FRAS1: variants seen among roughly 807,000 people sequenced by gnomAD.
FRAS1 encodes extracellular matrix organizing protein FRAS1.
A neutral mutation model predicts 435.2 loss-of-function variants in FRAS1; 290 were observed. The observed-to-expected ratio is 0.67, with a 90% confidence interval of 0.61 to 0.73. The LOEUF is 0.73. Ranked by LOEUF, FRAS1 falls within the 30% of genes least tolerant of loss-of-function variation. The probability of loss-of-function intolerance (pLI) is 0.00; values close to 1 mark genes in which losing one functional copy is unlikely to be tolerated. For synonymous variants in FRAS1, 1,800 were observed against 1,851.0 expected (o/e 0.97, Z 0.71); for missense variants, 4,860 against 5,001.5 (o/e 0.97, Z 0.85).
chr4:78,275,476 T>C (rs1048191714), intron 9 of FRAS1, among the ~76,000 whole-genome samples: 20 of 152,228 alleles, frequency 1.3e-4, no homozygotes, highest in African/African-American at 3.6e-4. Flanking sequence ...CCATGTTTAG[T>C]GCTTCCTTCA....
intron 14 of FRAS1, among the ~76,000 whole-genome samples, chr4:78,305,736 T>C (rs1728676691): frequency 1.3e-5 from 2 of 152,074 alleles, no homozygotes. Context: ...TCTATCCTTT[T>C]ATATTGAGCC....
At chr4:78,494,012 T>A (rs1221161908) in intron 59 of FRAS1, among the ~76,000 whole-genome samples, 1 of 152,052 alleles carries the variant, frequency 6.6e-6, no homozygotes, top group Non-Finnish European at 1.5e-5. Flanking sequence ...TATGTTTGTT[T>A]TTTTTTATTC....
rs765238008 is a variant in FRAS1 at position 78,508,950 on chromosome 4, C to T, written c.9724C>T (p.Arg3242Trp). The change falls in exon 63 of 74, where the codon CGG becomes TGG. Residue 3242 changes from arginine to tryptophan, a missense_variant. Coordinates refer to ENST00000512123, the MANE Select transcript of FRAS1 (RefSeq NM_025074.7). Reference protein sequence around the residue: ...VAAPTDGNGARSPFETITDNT... With the variant: ...VAAPTDGNGAWSPFETITDNT... ...TGCCCCCACTGATGGCAATGGGGCC[C>T]GGTCTCCCTTTGAAACCATCACTGA... The T allele has an allele frequency of 1.2e-5, 19 of 1,613,844 alleles. No individual in the cohort carries two copies. Among genetic ancestry groups the T allele is most frequent in the South Asian group, 6.6e-5 (6 of 91,080 alleles).
At chr4:78,269,660 C>G (rs1385866448) in intron 9 of FRAS1, among the ~76,000 whole-genome samples, 3 of 152,182 alleles carry the variant, frequency 2.0e-5, no homozygotes, top group African/African-American at 7.2e-5. Flanking sequence ...TTTGTCTTTG[C>G]TATATTCCAC....
chr4:78,101,512 A>G (rs1742131275), intron 2 of FRAS1, among the ~76,000 whole-genome samples: 1 of 152,128 alleles, frequency 6.6e-6, no homozygotes, highest in African/African-American at 2.4e-5. Flanking sequence ...CCACTTTTTC[A>G]AAGTGAGAGT....
At chr4:78,305,373 T>C (rs1356624464) in intron 14 of FRAS1, among the ~76,000 whole-genome samples, 1 of 151,072 alleles carries the variant, frequency 6.6e-6, no homozygotes, top group Non-Finnish European at 1.5e-5. Flanking sequence ...AGATGTCTAT[T>C]AGGTCTGCTT....
At chr4:78,405,258 CT>C (rs1733054615) in intron 30 of FRAS1, among the ~76,000 whole-genome samples, 1 of 152,258 alleles carries the variant, frequency 6.6e-6, no homozygotes, top group Admixed American at 6.5e-5. Flanking sequence ...TGAATGTTTT[CT>C]ACTGTCCACA....
In FRAS1 at chr4:78,302,500, C is replaced by T. The variant is rs573155944; in HGVS notation, c.1535-5566C>T. On this transcript the variant is annotated intron_variant, in intron 14 of 73. Coordinates refer to ENST00000512123, the MANE Select transcript of FRAS1 (RefSeq NM_025074.7). ...GTGTAAAAGTGTTCCTGTTTCTCCA[C>T]ATCCTCTCCAGCACCTGTTGTTTCC... 8.4e-3 allele frequency among the ~76,000 whole-genome samples: 1,283 copies of T among 152,220 alleles called. 15 individuals are homozygous for T. Among genetic ancestry groups the T allele is most frequent in the Middle Eastern group, 0.024 (7 of 294 alleles).
At position 78,279,141 on chromosome 4, in the gene FRAS1, C is replaced by G. The variant is rs187344045; in HGVS notation, c.1071+397C>G. 2.0e-4 allele frequency among the ~76,000 whole-genome samples: 31 copies of G among 152,208 alleles called. 1 individual carries two copies. In the East Asian group the frequency reaches 5.8e-3, roughly 28 times the overall value. On this transcript the variant is annotated intron_variant, in intron 10 of 73. Coordinates refer to ENST00000512123, the MANE Select transcript of FRAS1 (RefSeq NM_025074.7). ...TCTTACAGAAAACTTTGAGCAGAGCCTGAAGGGAGGGAGCCGCATGAATGT... is the reference window on the plus strand; with the variant it reads ...TCTTACAGAAAACTTTGAGCAGAGCGTGAAGGGAGGGAGCCGCATGAATGT...
intron 14 of FRAS1, among the ~76,000 whole-genome samples, chr4:78,305,624 C>G (rs1484077074): frequency 7.1e-6 from 1 of 141,476 alleles, no homozygotes; most frequent in Non-Finnish European, 1.6e-5. Flanking sequence ...TAATGGCCTT[C>G]TTTGTCTCTT....
At chr4:78,463,954 C>G in intron 47 of FRAS1, 67 bp from the exon 48 acceptor site, 2 of 1,555,160 alleles carry the variant, frequency 1.3e-6, no homozygotes, top group Non-Finnish European at 1.8e-6. Context: ...ATGACACTTC[C>G]CTAGCCTTAG....
At chr4:78,193,015 T>G (rs532197570) in intron 2 of FRAS1, among the ~76,000 whole-genome samples, 1 of 152,356 alleles carries the variant, frequency 6.6e-6, no homozygotes, top group African/African-American at 2.4e-5. Context: ...TATTTCTGCC[T>G]TCATTTCGTT....
Position 78,515,858 on chromosome 4 carries a change from C to A in FRAS1, c.10234C>A (p.Arg3412Ser). The A allele has an allele frequency of 6.2e-7, 1 of 1,614,030 alleles. No individual in the cohort carries two copies. The highest frequency in any genetic ancestry group is 2.2e-5 in the East Asian group (1 of 44,874). Reference protein sequence around the residue: ...DSTALGPGYDRPFQFDPSVRE... With the variant: ...DSTALGPGYDSPFQFDPSVRE... ...CACTGCCCTGGGGCCTGGCTACGAT[C>A]GCCCCTTCCAGTTTGACCCCAGCGT... is the stretch of plus-strand genomic sequence containing the variant. Residue 3412 changes from arginine to serine, a missense_variant, in exon 66 of 74, where the codon CGC becomes AGC. Physicochemically the swap from Arg to Ser is moderately radical, Grantham distance 110. Transcript: ENST00000512123.
intron 51 of FRAS1, among the ~76,000 whole-genome samples, chr4:78,471,638 C>G (rs1719712679): frequency 6.6e-6 from 1 of 152,176 alleles, no homozygotes; most frequent in Non-Finnish European, 1.5e-5. Flanking sequence ...TTTCTTTGCT[C>G]AAATCTTGGC....
At chr4:78,181,954 C>CA (rs1410105090) in intron 2 of FRAS1, 16 of 1,606,348 alleles carry the variant, frequency 1.0e-5, no homozygotes, top group African/African-American at 1.3e-5. Context: ...CCGCTGCCTT[C>CA]AGCACCTCGA....
At chr4:78,518,785 T>C (rs1185864682) in intron 66 of FRAS1, among the ~76,000 whole-genome samples, 2 of 152,146 alleles carry the variant, frequency 1.3e-5, no homozygotes, top group Non-Finnish European at 2.9e-5. Flanking sequence ...TTCCTATATA[T>C]GATTTCAATG....
At chr4:78,403,153 T>C (rs1298682910) in intron 30 of FRAS1, among the ~76,000 whole-genome samples, 1 of 152,188 alleles carries the variant, frequency 6.6e-6, no homozygotes, top group Non-Finnish European at 1.5e-5. Flanking sequence ...TATGACTCTT[T>C]TGATGTATTA....
intron 35 of FRAS1, among the ~76,000 whole-genome samples, chr4:78,427,177 A>C (rs1358296798): frequency 6.6e-6 from 1 of 152,192 alleles, no homozygotes; most frequent in East Asian, 1.9e-4. Context: ...TTAATGGTTA[A>C]TCATGGGAGG....
intron 35 of FRAS1, among the ~76,000 whole-genome samples, chr4:78,428,333 T>TG (rs1734071796): frequency 6.6e-6 from 1 of 151,968 alleles, no homozygotes; most frequent in African/African-American, 2.4e-5. Context: ...AGTATTCTTT[T>TG]TTTTTTTGAG....
Sources: gnomAD v4.1 joint callset for allele counts (sites outside exome capture counted in the v4.1 genomes callset) on GRCh38, gnomAD v4.1.1 for gene constraint, MANE v1.5 for transcripts, NCBI Gene and HGNC (gene_info 2026-07-23, HGNC 2026-07-21) for gene names.